Variants in SPAG16 observed in about 807,000 individuals in gnomAD.
SPAG16 encodes sperm associated antigen 16.
In SPAG16, 86 loss-of-function variants were observed where a neutral mutation model predicts 80.4. The ratio of observed to expected loss-of-function variants is 1.07; its 90% CI spans 0.90 to 1.28. The LOEUF is 1.28. SPAG16 is among the 50% of genes most tolerant of loss of function. The pLI is 0.00. For synonymous variants in SPAG16, 294 were observed against 265.9 expected, an observed-to-expected ratio of 1.11 and a Z score of -1.03; for missense variants, 870 against 765.3, an observed-to-expected ratio of 1.14 and a Z score of -1.61.
chr2:213,452,578 CAG>C (rs2071764291), intron 9 of SPAG16, among the ~76,000 whole-genome samples: 1 of 152,210 alleles, frequency 6.6e-6, no homozygotes, highest in African/African-American at 2.4e-5. Flanking sequence ...ACTCAGGAAA[CAG>C]AGTGATCTAA....
intron 11 of SPAG16, among the ~76,000 whole-genome samples, chr2:213,919,088 A>G (rs1409824287): frequency 1.3e-5 from 2 of 152,144 alleles, no homozygotes; most frequent in African/African-American, 2.4e-5. Flanking sequence ...TCAAATAACC[A>G]TTGATTATTT....
At chr2:213,523,764 C>G (rs932770348) in intron 10 of SPAG16, among the ~76,000 whole-genome samples, 1 of 152,202 alleles carries the variant, frequency 6.6e-6, no homozygotes, top group Non-Finnish European at 1.5e-5. Context: ...AGCAAAGAGA[C>G]TGGCAGTATA....
intron 10 of SPAG16, among the ~76,000 whole-genome samples, chr2:213,552,680 T>A (rs548299224): frequency 6.6e-6 from 1 of 152,306 alleles, no homozygotes; most frequent in Non-Finnish European, 1.5e-5. Context: ...AAAGTATTAT[T>A]CCTGGGTGTG....
intron 10 of SPAG16, among the ~76,000 whole-genome samples, chr2:213,523,238 T>G (rs1000380740): frequency 6.6e-6 from 1 of 152,160 alleles, no homozygotes; most frequent in Non-Finnish European, 1.5e-5. Flanking sequence ...TTCCCCCTTT[T>G]GCTTGGCAAT....
chr2:213,869,661 T>TTG (rs1553648950), intron 11 of SPAG16, among the ~76,000 whole-genome samples: 51,574 of 142,440 alleles, frequency 0.36, 9,684 homozygotes, highest in East Asian at 0.53. Flanking sequence ...TTTTTTTTTT[T>TTG]GTCTAATTCC....
At chr2:214,408,834 G>A (rs140291668) in intron 15 of SPAG16, among the ~76,000 whole-genome samples, 10 of 152,174 alleles carry the variant, frequency 6.6e-5, no homozygotes, top group Non-Finnish European at 1.0e-4. Flanking sequence ...TACCTAGGGT[G>A]TCATTATGAG....
intron 11 of SPAG16, among the ~76,000 whole-genome samples, chr2:213,894,864 C>T (rs1266530657): frequency 6.6e-6 from 1 of 151,588 alleles, no homozygotes; most frequent in Non-Finnish European, 1.5e-5. Flanking sequence ...GTGGCATGTG[C>T]CTGTAGTCCC....
At chr2:214,259,548 C>T (rs1376689792) in intron 15 of SPAG16, among the ~76,000 whole-genome samples, 6 of 149,914 alleles carry the variant, frequency 4.0e-5, no homozygotes. Flanking sequence ...CACCCCTCCC[C>T]CACACACGTT....
At chr2:214,225,187 G>A (rs113732982) in intron 15 of SPAG16, among the ~76,000 whole-genome samples, 2,508 of 152,300 alleles carry the variant, frequency 0.016, 43 homozygotes, top group African/African-American at 0.038. Context: ...ATGACCAACA[G>A]GAGATGTGGA....
intron 10 of SPAG16, among the ~76,000 whole-genome samples, chr2:213,589,931 A>T (rs1287164820): frequency 3.3e-5 from 5 of 151,972 alleles, no homozygotes; most frequent in Non-Finnish European, 7.4e-5. Flanking sequence ...CAAAAAAAAA[A>T]AAAAAATCCT....
At chr2:214,166,678 C>T (rs2056669544) in intron 15 of SPAG16, among the ~76,000 whole-genome samples, 3 of 152,134 alleles carry the variant, frequency 2.0e-5, no homozygotes, top group Non-Finnish European at 4.4e-5. Context: ...AGAGTGGGCT[C>T]TTTGTTTCCT....
At chr2:213,934,646 T>A (rs1216761746) in intron 12 of SPAG16, among the ~76,000 whole-genome samples, 3 of 152,214 alleles carry the variant, frequency 2.0e-5, no homozygotes, top group African/African-American at 7.2e-5. Context: ...TATATCTAAA[T>A]GATATTTATT....
chr2:213,703,292 T>A (rs1379384007), intron 10 of SPAG16, among the ~76,000 whole-genome samples: 1 of 152,192 alleles, frequency 6.6e-6, no homozygotes, highest in Non-Finnish European at 1.5e-5. Flanking sequence ...GCTCAAAGAT[T>A]ATTAGGAACT....
intron 6 of SPAG16, among the ~76,000 whole-genome samples, chr2:213,348,958 T>C (rs1439957295): frequency 6.6e-6 from 1 of 152,178 alleles, no homozygotes; most frequent in Non-Finnish European, 1.5e-5. Context: ...ATAGATCGTA[T>C]ACTGAGCCAT....
chr2:213,799,076 T>C (rs1168684862), intron 10 of SPAG16, among the ~76,000 whole-genome samples: 2 of 152,108 alleles, frequency 1.3e-5, no homozygotes, highest in African/African-American at 4.8e-5. Context: ...ATGTAGACAT[T>C]TTAGGATCAG....
intron 10 of SPAG16, among the ~76,000 whole-genome samples, chr2:213,781,985 T>C (rs2070010363): frequency 1.3e-5 from 2 of 152,228 alleles, no homozygotes; most frequent in Admixed American, 1.3e-4. Flanking sequence ...CTACCTCCTC[T>C]GTGTTTTCAC....
chr2:214,058,717 T>C (rs937485232), intron 13 of SPAG16, among the ~76,000 whole-genome samples: 1 of 152,092 alleles, frequency 6.6e-6, no homozygotes, highest in African/African-American at 2.4e-5. Flanking sequence ...TGCATGTATC[T>C]CCTCTCCCTC....
At chr2:213,536,052 C>T (rs1028880203) in intron 10 of SPAG16, among the ~76,000 whole-genome samples, 36 of 151,860 alleles carry the variant, frequency 2.4e-4, no homozygotes, top group African/African-American at 8.0e-4. Context: ...TGTGTGTGCA[C>T]GTTTGTATGT....
At chr2:213,303,534 C>A (rs1003439729) in intron 3 of SPAG16, among the ~76,000 whole-genome samples, 1 of 151,802 alleles carries the variant, frequency 6.6e-6, no homozygotes, top group Non-Finnish European at 1.5e-5. Flanking sequence ...ATCCCCTCTC[C>A]CCTCCCCAGC....
Sources: gnomAD v4.1 joint callset for allele counts (sites outside exome capture counted in the v4.1 genomes callset) on GRCh38, gnomAD v4.1.1 for gene constraint, MANE v1.5 for transcripts, NCBI Gene and HGNC (gene_info 2026-07-23, HGNC 2026-07-21) for gene names.